TTC27: variants seen among roughly 807,000 people sequenced by gnomAD.
TTC27 encodes tetratricopeptide repeat domain 27.
In TTC27, 79 loss-of-function variants were observed where a neutral mutation model predicts 115.9. That is an observed-to-expected ratio of 0.68 (90% CI 0.57 to 0.82). The LOEUF (loss-of-function observed/expected upper bound fraction) is 0.82. Among genes scored for constraint, TTC27 ranks in the 40% least tolerant of loss-of-function variants. The pLI, the probability that TTC27 is intolerant of heterozygous loss-of-function variation, is 0.00. For missense variants in TTC27, 1,054 were observed against 993.1 expected, an observed-to-expected ratio of 1.06 and a Z score of -0.82; for synonymous variants, 401 against 356.0, an observed-to-expected ratio of 1.13 and a Z score of -1.42.
At chr2:32,765,789 T>C (rs1046267070) in intron 13 of TTC27, among the ~76,000 whole-genome samples, 22 of 152,234 alleles carry the variant, frequency 1.4e-4, no homozygotes, top group African/African-American at 5.1e-4. Context: ...TTTTATGTTA[T>C]GGGGATGGCT....
rs544269898 is a variant in TTC27 at position 32,681,040 on chromosome 2, G to A, written c.1119+2118G>A. Among the ~76,000 whole-genome samples, 41 of 152,066 alleles carry A rather than the reference G, an allele frequency of 2.7e-4. No homozygotes were observed. The South Asian group carries it at 8.1e-3, about 30-fold the overall frequency. On this transcript the variant is annotated intron_variant, in intron 9 of 19. Transcript: ENST00000317907. ...ATAAATTCAGGTTTTGTGCTTCTCCGCTCAGGCCTTTATGCTGTGTGATTT... is the reference window on the plus strand; with the variant it reads ...ATAAATTCAGGTTTTGTGCTTCTCCACTCAGGCCTTTATGCTGTGTGATTT...
intron 2 of TTC27, among the ~76,000 whole-genome samples, chr2:32,633,382 G>T (rs539028758): frequency 6.6e-6 from 1 of 152,028 alleles, no homozygotes; most frequent in Non-Finnish European, 1.5e-5. Flanking sequence ...TGTTTGGCTC[G>T]TGGCTATAAT....
chr2:32,779,593 G>GT (rs34377239), intron 14 of TTC27, among the ~76,000 whole-genome samples: 1,567 of 146,480 alleles, frequency 0.011, 16 homozygotes, highest in African/African-American at 0.035. Context: ...ATTCTGTTAA[G>GT]TTTTTTTTTT....
At chr2:32,694,004 A>C (rs1423839133) in intron 9 of TTC27, among the ~76,000 whole-genome samples, 1 of 152,226 alleles carries the variant, frequency 6.6e-6, no homozygotes, top group Non-Finnish European at 1.5e-5. Context: ...AACAAATAAA[A>C]TTCTGGTTAG....
intron 16 of TTC27, among the ~76,000 whole-genome samples, chr2:32,808,727 T>G (rs1310307682): frequency 6.6e-6 from 1 of 152,140 alleles, no homozygotes; most frequent in Non-Finnish European, 1.5e-5. Context: ...CCACATCGTC[T>G]CCCCAGTAGG....
At chr2:32,682,515 G>T (rs990843657) in intron 9 of TTC27, among the ~76,000 whole-genome samples, 1 of 152,160 alleles carries the variant, frequency 6.6e-6, no homozygotes, top group African/African-American at 2.4e-5. Flanking sequence ...GGAAGAGAAG[G>T]GAACAGAGAG....
At chr2:32,730,151 G>A (rs1052849900) in intron 10 of TTC27, among the ~76,000 whole-genome samples, 2 of 152,140 alleles carry the variant, frequency 1.3e-5, no homozygotes, top group Admixed American at 1.3e-4. Flanking sequence ...GGCTATTTGG[G>A]CACATGGTTT....
At chr2:32,672,433 C>A in intron 8 of TTC27, 49 bp downstream of exon 8, 1 of 1,360,240 alleles carries the variant, frequency 7.4e-7, no homozygotes, top group Non-Finnish European at 1.0e-6. Flanking sequence ...CATATTGATT[C>A]TCTTATGTGT....
At position 32,782,614 on chromosome 2, in the gene TTC27, C is replaced by G. The variant is rs751307202; in HGVS notation, c.1780-12C>G. ...GAGAAGAGTTAATTAACTGTGTTCT[C>G]TATCATTTCAGAATGCTGAAGCTTG... On this transcript the variant is annotated splice_polypyrimidine_tract_variant and intron_variant, in intron 14 of 19. Transcript: ENST00000317907. 1.2e-6 allele frequency: 2 copies of G among 1,610,666 alleles called. No homozygotes were observed. The highest frequency in any genetic ancestry group is 2.2e-5 in the East Asian group (1 of 44,644).
At chr2:32,752,339 T>A (rs112263578) in intron 12 of TTC27, among the ~76,000 whole-genome samples, 2 of 152,212 alleles carry the variant, frequency 1.3e-5, no homozygotes, top group Non-Finnish European at 2.9e-5. Flanking sequence ...AACAACAGCC[T>A]TTTTGTTCTA....
At chr2:32,693,139 AT>A (rs1666873853) in intron 9 of TTC27, among the ~76,000 whole-genome samples, 2 of 152,206 alleles carry the variant, frequency 1.3e-5, no homozygotes, top group Non-Finnish European at 2.9e-5. Context: ...AGAACTTTAA[AT>A]TTGTTGTTTT....
At chr2:32,653,647 G>A (rs542327129) in intron 5 of TTC27, among the ~76,000 whole-genome samples, 8 of 151,284 alleles carry the variant, frequency 5.3e-5, no homozygotes, top group East Asian at 1.9e-4. Flanking sequence ...GCATACGTGC[G>A]TACGTTGATT....
At chr2:32,660,564 A>C (rs1383078478) in intron 5 of TTC27, among the ~76,000 whole-genome samples, 2 of 150,236 alleles carry the variant, frequency 1.3e-5, no homozygotes, top group African/African-American at 2.4e-5. Flanking sequence ...ACATGGACAC[A>C]GGGAGGGGAA....
chr2:32,755,537 A>G (rs1352425686), intron 12 of TTC27, among the ~76,000 whole-genome samples: 2 of 151,984 alleles, frequency 1.3e-5, no homozygotes, highest in African/African-American at 4.8e-5. Context: ...GCAGCAGTAC[A>G]GTCCAGCTTC....
intron 16 of TTC27, among the ~76,000 whole-genome samples, chr2:32,789,939 AAAAAAAAGAG>A (rs1323374793): frequency 6.8e-6 from 1 of 146,790 alleles, no homozygotes; most frequent in African/African-American, 2.5e-5. Flanking sequence ...AAAAAAAAAA[AAAAAAAAGAG>A]AAGTCTTTCA....
chr2:32,733,897 C>G lies in TTC27; in HGVS notation c.1303C>G (p.Gln435Glu). Residue 435 changes from glutamine (Q) to glutamate (E), a missense_variant, in exon 11 of 20, where the codon CAA becomes GAA. Physicochemically the swap from Gln to Glu is conservative, Grantham distance 29. Coordinates refer to ENST00000317907, the MANE Select transcript of TTC27 (RefSeq NM_017735.5). ...ACGCCTGAAGATTTTCTATTGCTGT[C>G]AAGTACCACCTCACTGGGCCATTCA... ...LERLKIFYCC[Q>E]VPPHWAIQRQ... The G allele has an allele frequency of 6.2e-7, 1 of 1,611,972 alleles. No homozygotes were observed. The highest frequency in any genetic ancestry group is 8.5e-7 in the Non-Finnish European group (1 of 1,178,824).
At position 32,806,552 on chromosome 2, in the gene TTC27, G is replaced by A. The variant is rs552149174; in HGVS notation, c.1999-4472G>A. Among the ~76,000 whole-genome samples, 77 of 152,118 alleles carry A rather than the reference G, an allele frequency of 5.1e-4. 1 individual carries two copies. Among genetic ancestry groups the A allele is most frequent in the African/African-American group, 1.8e-3 (75 of 41,498 alleles). On this transcript the variant is annotated intron_variant, in intron 16 of 19. Transcript: ENST00000317907. ...AATAATTGCTATCAGAGGCTGAGGC[G>A]GGCAGATCACGAGGTCAGGAGATCG...
chr2:32,674,405 C>A (rs1173947059), intron 8 of TTC27, among the ~76,000 whole-genome samples: 2 of 152,102 alleles, frequency 1.3e-5, no homozygotes, highest in South Asian at 2.1e-4. Context: ...CCCGCCTCAG[C>A]CTCCCAAAGT....
chr2:32,743,456 C>A (rs1333145990), intron 12 of TTC27, among the ~76,000 whole-genome samples: 1 of 152,142 alleles, frequency 6.6e-6, no homozygotes, highest in Non-Finnish European at 1.5e-5. Context: ...AGGGTAGGAT[C>A]TTCTCTCCCA....
Sources: gnomAD v4.1 joint callset for allele counts (sites outside exome capture counted in the v4.1 genomes callset) on GRCh38, gnomAD v4.1.1 for gene constraint, MANE v1.5 for transcripts, NCBI Gene and HGNC (gene_info 2026-07-23, HGNC 2026-07-21) for gene names.